Variants in AGK observed in about 807,000 individuals in gnomAD.
AGK encodes acylglycerol kinase, also known as acylglycerol kinase, mitochondrial.
AGK carries 52 observed loss-of-function variants against 66.4 expected under a neutral mutation model. The ratio of observed to expected loss-of-function variants is 0.78; its 90% CI spans 0.63 to 0.99. AGK has a LOEUF of 0.99. Ranked by LOEUF, AGK falls within the 50% of genes least tolerant of loss-of-function variation. The pLI is 0.00. For missense variants in AGK, 451 were observed against 506.6 expected (o/e 0.89, Z 1.05); for synonymous variants, 182 against 181.1 (o/e 1.00, Z -0.04).
intron 1 of AGK, among the ~76,000 whole-genome samples, chr7:141,552,860 A>C (rs1224917563): frequency 2.6e-5 from 4 of 152,104 alleles, no homozygotes; most frequent in Admixed American, 1.3e-4. Context: ...GCCTTGCTAA[A>C]TTCTCCCCAG....
Position 141,641,272 on chromosome 7 carries a change from T to C in AGK, c.751T>C (p.Ser251Pro). ...LKEWPQTHQA[S>P]ISYTGPTERP... ...GGAGTGGCCTCAGACTCATCAAGCCTCTATCTCATACACGGGACCTACAGA... is the reference window on the plus strand; with the variant it reads ...GGAGTGGCCTCAGACTCATCAAGCCCCTATCTCATACACGGGACCTACAGA... The change falls in exon 12 of 16, where the codon TCT (serine) becomes CCT (proline). Residue 251 changes from serine (S) to proline (P), a missense_variant. Ser to Pro is a moderately conservative substitution (Grantham distance 74, BLOSUM62 -1). Coordinates refer to ENST00000649286, the MANE Select transcript of AGK (RefSeq NM_018238.4). 6.2e-7 allele frequency: 1 copy of C among 1,613,758 alleles called. No homozygotes were observed.
intron 13 of AGK, 45 bp from the exon 14 acceptor site, chr7:141,649,218 G>A: frequency 7.0e-7 from 1 of 1,421,778 alleles, no homozygotes; most frequent in South Asian, 1.2e-5. Context: ...GGCTGCATTA[G>A]CCAAATTTTA....
intron 2 of AGK, among the ~76,000 whole-genome samples, chr7:141,571,202 G>A (rs1795598603): frequency 6.6e-6 from 1 of 152,200 alleles, no homozygotes; most frequent in South Asian, 2.1e-4. Flanking sequence ...CTTGAGGCAA[G>A]TGCCTCATCA....
intron 1 of AGK, among the ~76,000 whole-genome samples, chr7:141,554,262 G>T (rs189583435): frequency 1.7e-3 from 261 of 150,502 alleles, no homozygotes; most frequent in Middle Eastern, 6.8e-3. Context: ...CAGGAGATTT[G>T]TTTGGGCCCA....
intron 10 of AGK, among the ~76,000 whole-genome samples, chr7:141,634,451 G>A (rs1797126336): frequency 6.6e-6 from 1 of 152,184 alleles, no homozygotes; most frequent in Non-Finnish European, 1.5e-5. Context: ...CTTAGAGGAG[G>A]AAGAAAGGCG....
chr7:141,632,644 TAC>T (rs774687204), intron 9 of AGK, among the ~76,000 whole-genome samples: 1 of 152,226 alleles, frequency 6.6e-6, no homozygotes, highest in Non-Finnish European at 1.5e-5. Context: ...CCTGTTATCT[TAC>T]ACACTATCCA....
intron 9 of AGK, among the ~76,000 whole-genome samples, chr7:141,630,426 C>CA (rs1445983494): frequency 2.6e-5 from 4 of 151,872 alleles, no homozygotes; most frequent in Admixed American, 6.6e-5. Flanking sequence ...TGTCTCACCA[C>CA]AAAAAAGGAT....
rs137911144 is a variant in AGK at position 141,594,798 on chromosome 7, A to T, written c.141+1613A>T. Among the ~76,000 whole-genome samples the T allele has an allele frequency of 1.4e-3, 206 of 152,228 alleles. 2 individuals carry two copies. The highest frequency in any genetic ancestry group is 4.8e-3 in the African/African-American group (198 of 41,552). On this transcript the variant is annotated intron_variant, in intron 3 of 15. Transcript: ENST00000649286. Reference sequence around the variant, plus strand: ...CTCCTGAGTAGCTGGAATTACAGGCACATGCCACCAAGCCTGGCTAATTTT... The same window carrying T: ...CTCCTGAGTAGCTGGAATTACAGGCTCATGCCACCAAGCCTGGCTAATTTT...
At chr7:141,604,359 AATGTGTGTGTGTGTG>A (rs1796404289) in intron 5 of AGK, among the ~76,000 whole-genome samples, 1 of 96,316 alleles carries the variant, frequency 1.0e-5, no homozygotes, top group Non-Finnish European at 2.1e-5. Flanking sequence ...CATATGTATG[AATGTGTGTGTGTGTG>A]TATATATATA....
chr7:141,636,477 TC>T (rs1797172745), intron 10 of AGK, among the ~76,000 whole-genome samples: 1 of 152,212 alleles, frequency 6.6e-6, no homozygotes, highest in South Asian at 2.1e-4. Context: ...CTGTGTTGAA[TC>T]CGTGCAAATA....
At chr7:141,629,697 G>C (rs1012994198) in intron 9 of AGK, among the ~76,000 whole-genome samples, 2 of 151,912 alleles carry the variant, frequency 1.3e-5, no homozygotes, top group African/African-American at 2.4e-5. Context: ...CTCACCTTTT[G>C]CTAGGATACA....
intron 1 of AGK, among the ~76,000 whole-genome samples, chr7:141,553,266 C>G (rs1338641665): frequency 6.6e-6 from 1 of 152,210 alleles, no homozygotes; most frequent in Non-Finnish European, 1.5e-5. Context: ...CCCGAAGGCT[C>G]TATCTCCTAA....
In AGK at chr7:141,627,352, TAGTG is replaced by T. The variant is rs1182405665; in HGVS notation, c.588+5554_588+5557del. Among the ~76,000 whole-genome samples the T allele has an allele frequency of 2.0e-5, 3 of 152,238 alleles. No homozygotes were observed. In the East Asian group the frequency reaches 5.8e-4, roughly 29 times the overall value. On this transcript the variant is annotated intron_variant, in intron 9 of 15. Transcript: ENST00000649286. ...CTGCGAAGTAAAATAACCCTATAAA[TAGTG>T]AGCCCCATGTTCTTAGATTTGGCCT... is the stretch of plus-strand genomic sequence containing the variant.
At chr7:141,566,920 G>C (rs1795483603) in intron 2 of AGK, among the ~76,000 whole-genome samples, 1 of 152,146 alleles carries the variant, frequency 6.6e-6, no homozygotes, top group African/African-American at 2.4e-5. Flanking sequence ...GTCCTCAGAA[G>C]TGTACCTCAC....
At chr7:141,623,393 GAAAAAAAAAAGAAAGA>G (rs1796867509) in intron 9 of AGK, among the ~76,000 whole-genome samples, 39 of 104,816 alleles carry the variant, frequency 3.7e-4, no homozygotes, top group African/African-American at 1.3e-3. Context: ...AAAAAAAAAA[GAAAAAAAAAAGAAAGA>G]AAAAAAAAAA....
At chr7:141,606,313 T>A (rs1187740286) in intron 5 of AGK, among the ~76,000 whole-genome samples, 2 of 152,202 alleles carry the variant, frequency 1.3e-5, no homozygotes, top group African/African-American at 4.8e-5. Context: ...CCATGAGGTA[T>A]GGGCTATCTA....
Position 141,611,089 on chromosome 7 carries a change from G to A in AGK, c.298-106G>A, listed in dbSNP as rs114698745. On this transcript the variant is annotated intron_variant, in intron 5 of 15. Transcript: ENST00000649286. ...TGTCTATCAGTTATGTAAAATTTAC[G>A]AAGACAGTCAATGTAAAACTTTAAA... is the stretch of plus-strand genomic sequence containing the variant. 2,274 of 595,338 alleles carry A rather than the reference G, an allele frequency of 3.8e-3. 35 individuals are homozygous for A. In the African/African-American group the frequency reaches 0.038, roughly 10 times the overall value. 36.9% of individuals were successfully genotyped at this position (595,338 alleles called of 1,614,324 possible). A position where few individuals can be genotyped will look rare whatever the true frequency, so the allele number is the denominator to read the frequency against.
intron 2 of AGK, among the ~76,000 whole-genome samples, chr7:141,586,946 C>T (rs113722573): frequency 1.4e-4 from 21 of 152,300 alleles, no homozygotes; most frequent in Middle Eastern, 3.4e-3. Flanking sequence ...CTCATTCCTT[C>T]TATCAACATG....
At chr7:141,577,015 G>C (rs1795756591) in intron 2 of AGK, among the ~76,000 whole-genome samples, 1 of 152,034 alleles carries the variant, frequency 6.6e-6, no homozygotes, top group Non-Finnish European at 1.5e-5. Flanking sequence ...ACTCCAGCCT[G>C]GGCGACAGGG....
Sources: gnomAD v4.1 joint callset for allele counts (sites outside exome capture counted in the v4.1 genomes callset) on GRCh38, gnomAD v4.1.1 for gene constraint, MANE v1.5 for transcripts, NCBI Gene and HGNC (gene_info 2026-07-23, HGNC 2026-07-21) for gene names.